Variants in PINX1 observed in about 807,000 individuals in gnomAD.
PINX1 encodes the protein PIN2/TERF1-interacting telomerase inhibitor 1.
A neutral mutation model predicts 25.4 loss-of-function variants in PINX1; 34 were observed. The observed-to-expected ratio is 1.34, with a 90% confidence interval of 1.02 to 1.78. The LOEUF (loss-of-function observed/expected upper bound fraction) is 1.78, where lower values mean the gene tolerates loss of function less well. Ranked by LOEUF, PINX1 falls within the 40% of genes most tolerant of loss-of-function variation. PINX1 has a pLI of 0.00. For synonymous variants in PINX1, 197 were observed against 147.7 expected (o/e 1.33, Z -2.42); for missense variants, 592 against 404.9 (o/e 1.46, Z -3.97).
chr8:10,777,541 AG>A (rs1290869135), intron 6 of PINX1, among the ~76,000 whole-genome samples: 3 of 152,160 alleles, frequency 2.0e-5, no homozygotes, highest in Non-Finnish European at 1.5e-5. Context: ...AGCTAGTTGA[AG>A]GGGGGTTGGG....
chr8:10,826,192 TTTGGACTTTTC>T lies in PINX1; in HGVS notation c.343_353del (p.Glu115AsnfsTer26), dbSNP rs751699132. 3 of 1,599,048 alleles carry T rather than the reference TTTGGACTTTTC, an allele frequency of 1.9e-6. No individual in the cohort carries two copies. Among genetic ancestry groups the T allele is most frequent in the Non-Finnish European group, 2.6e-6 (3 of 1,169,126 alleles). On this transcript the variant is annotated frameshift_variant, in exon 5 of 7. Coordinates refer to ENST00000314787, the MANE Select transcript of PINX1 (RefSeq NM_017884.6). LOFTEE classifies it high-confidence loss of function. Reference sequence around the variant, plus strand: ...TATAGTGAACACGGTTTTTGGAGATTTTGGACTTTTCCTCAAGGCTAAAAGATTTCTTTTCC... The same window carrying T: ...TATAGTGAACACGGTTTTTGGAGATTCTCAAGGCTAAAAGATTTCTTTTCC...
At chr8:10,806,469 C>A (rs954091125) in intron 6 of PINX1, among the ~76,000 whole-genome samples, 3 of 152,160 alleles carry the variant, frequency 2.0e-5, no homozygotes, top group African/African-American at 7.2e-5. Flanking sequence ...AAAAATGCAA[C>A]CATTCCCACC....
chr8:10,778,661 T>TAG (rs1801489550), intron 6 of PINX1, among the ~76,000 whole-genome samples: 1 of 152,332 alleles, frequency 6.6e-6, no homozygotes, highest in South Asian at 2.1e-4. Context: ...TGGCCGCTGT[T>TAG]AAACTTCAGA....
chr8:10,766,591 C>T (rs1047640890), intron 6 of PINX1, among the ~76,000 whole-genome samples: 1 of 152,194 alleles, frequency 6.6e-6, no homozygotes, highest in African/African-American at 2.4e-5. Flanking sequence ...GGCTTCTTTC[C>T]CTCAGCTGGG....
At chr8:10,770,462 G>A (rs1054256461) in intron 6 of PINX1, among the ~76,000 whole-genome samples, 116 of 152,168 alleles carry the variant, frequency 7.6e-4, no homozygotes, top group African/African-American at 2.7e-3. Flanking sequence ...GAAGCTACAT[G>A]TATCAACTCT....
chr8:10,783,775 A>G (rs561055574), intron 6 of PINX1, among the ~76,000 whole-genome samples: 1 of 152,250 alleles, frequency 6.6e-6, no homozygotes, highest in Admixed American at 6.5e-5. Context: ...GAAAATGATT[A>G]AAGTACTATT....
intron 4 of PINX1, among the ~76,000 whole-genome samples, chr8:10,828,953 T>C (rs189178143): frequency 3.8e-4 from 58 of 152,322 alleles, no homozygotes; most frequent in Non-Finnish European, 6.0e-4. Context: ...AAGCATTCAT[T>C]AAAATGTATA....
chr8:10,765,802 G>A lies in PINX1; in HGVS notation c.586C>T (p.Pro196Ser), dbSNP rs756289518. 4 of 1,613,896 alleles carry A rather than the reference G, an allele frequency of 2.5e-6. No individual in the cohort carries two copies. Among genetic ancestry groups the A allele is most frequent in the Non-Finnish European group, 2.5e-6 (3 of 1,179,884 alleles). The change falls in exon 7 of 7, where the codon CCA becomes TCA. Residue 196 changes from proline (P) to serine (S), a missense_variant. Coordinates refer to ENST00000314787, the MANE Select transcript of PINX1 (RefSeq NM_017884.6). ...TCAGAAATGTCAGACCCTGGAACTG[G>A]AACCTGGGGCTTGTTCTTCAGTGCT... ...MAALKNKPQVPVPGSDISETQ... is the reference protein window; with the variant it reads ...MAALKNKPQVSVPGSDISETQ...
intron 6 of PINX1, among the ~76,000 whole-genome samples, chr8:10,814,647 C>A (rs1421933977): frequency 6.6e-6 from 1 of 152,228 alleles, no homozygotes; most frequent in African/African-American, 2.4e-5. Context: ...GTACTTCCTA[C>A]TCTCAGAGAA....
chr8:10,836,765 C>A (rs531910374), intron 1 of PINX1, among the ~76,000 whole-genome samples: 5 of 152,072 alleles, frequency 3.3e-5, no homozygotes, highest in African/African-American at 1.2e-4. Flanking sequence ...AAGAATCTCC[C>A]GGAAACTTTA....
At chr8:10,827,585 G>T (rs570617647) in intron 4 of PINX1, among the ~76,000 whole-genome samples, 1 of 151,952 alleles carries the variant, frequency 6.6e-6, no homozygotes, top group Non-Finnish European at 1.5e-5. Context: ...ACAGTTTTAA[G>T]AACATTCAGA....
At chr8:10,774,424 G>C (rs1009794407) in intron 6 of PINX1, among the ~76,000 whole-genome samples, 1 of 152,044 alleles carries the variant, frequency 6.6e-6, no homozygotes, top group African/African-American at 2.4e-5. Flanking sequence ...TGGGATTACA[G>C]GCATGTGCCA....
intron 6 of PINX1, among the ~76,000 whole-genome samples, chr8:10,787,225 G>A (rs113720622): frequency 0.024 from 3,594 of 151,626 alleles, 70 homozygotes; most frequent in Middle Eastern, 0.048. Flanking sequence ...ACACACACAC[G>A]TTTGTTTGTT....
chr8:10,798,882 G>C (rs932241119), intron 6 of PINX1, among the ~76,000 whole-genome samples: 3 of 152,218 alleles, frequency 2.0e-5, no homozygotes, highest in Non-Finnish European at 2.9e-5. Context: ...CTTAGAACTG[G>C]AGGCGGTGAA....
chr8:10,833,101 C>T (rs1031319975), intron 2 of PINX1, 117 bp from the exon 3 acceptor site: 3 of 599,248 alleles, frequency 5.0e-6, no homozygotes, highest in Non-Finnish European at 8.8e-6. Context: ...TGATTCTCTC[C>T]ATTAAATACT....
At chr8:10,834,866 T>C (rs553422834) in intron 1 of PINX1, 91 bp from the exon 2 acceptor site, 8 of 806,420 alleles carry the variant, frequency 9.9e-6, no homozygotes, top group Admixed American at 2.4e-5. Context: ...GTGTATTTTA[T>C]GTATGTATGT....
intron 4 of PINX1, among the ~76,000 whole-genome samples, chr8:10,830,813 A>C (rs1387409761): frequency 6.6e-6 from 1 of 152,246 alleles, no homozygotes; most frequent in African/African-American, 2.4e-5. Context: ...ATTATAAAAG[A>C]TAATTACTGG....
intron 6 of PINX1, among the ~76,000 whole-genome samples, chr8:10,801,984 T>C (rs1205657674): frequency 6.6e-6 from 1 of 151,956 alleles, no homozygotes; most frequent in Non-Finnish European, 1.5e-5. Flanking sequence ...ATCCCCGCAA[T>C]GGAGAAGCAG....
At chr8:10,774,657 A>C (rs536957140) in intron 6 of PINX1, among the ~76,000 whole-genome samples, 3 of 152,380 alleles carry the variant, frequency 2.0e-5, no homozygotes, top group Non-Finnish European at 4.4e-5. Flanking sequence ...TGGAATAATT[A>C]AGTAGTCATG....
Sources: allele counts gnomAD v4.1 joint callset (sites outside exome capture counted in the v4.1 genomes callset), GRCh38; gene constraint gnomAD v4.1.1; transcripts MANE v1.5; gene names NCBI Gene and HGNC (gene_info 2026-07-23, HGNC 2026-07-21).